ACAD11: variants seen among roughly 807,000 people sequenced by gnomAD.
ACAD11 encodes the protein acyl-Coenzyme A dehydrogenase family, member 11.
ACAD11 carries 83 observed loss-of-function variants against 102.2 expected under a neutral mutation model. The ratio of observed to expected loss-of-function variants is 0.81; its 90% CI spans 0.68 to 0.97. ACAD11 has a LOEUF of 0.97. Ranked by LOEUF, ACAD11 falls within the 50% of genes least tolerant of loss-of-function variation. The probability of loss-of-function intolerance (pLI) is 0.00; values close to 1 mark genes in which losing one functional copy is unlikely to be tolerated. For missense variants in ACAD11, 901 were observed against 951.7 expected (o/e 0.95, Z 0.70); for synonymous variants, 324 against 319.8 (o/e 1.01, Z -0.14).
chr3:132,615,260 A>G (rs1437667899), intron 11 of ACAD11, among the ~76,000 whole-genome samples: 1 of 152,244 alleles, frequency 6.6e-6, no homozygotes, highest in African/African-American at 2.4e-5. Context: ...TGTGGAAGAC[A>G]GTATGGTGAT....
chr3:132,605,314 C>A, intron 11 of ACAD11, 109 bp from the exon 12 acceptor site: 1 of 595,286 alleles, frequency 1.7e-6, no homozygotes, highest in Admixed American at 3.2e-5. Flanking sequence ...CAAATGTTTG[C>A]TAACAAAAAT....
At chr3:132,585,023 G>T (rs1937743756) in intron 13 of ACAD11, among the ~76,000 whole-genome samples, 1 of 152,114 alleles carries the variant, frequency 6.6e-6, no homozygotes, top group African/African-American at 2.4e-5. Context: ...CCAAAACAGA[G>T]CCTGCATTGC....
chr3:132,559,635 A>G (rs1384847576), intron 19 of ACAD11, among the ~76,000 whole-genome samples, 198 bp downstream of exon 19: 1 of 152,122 alleles, frequency 6.6e-6, no homozygotes, highest in African/African-American at 2.4e-5. Flanking sequence ...TGTAAAAATT[A>G]ACATAATGGA....
intron 17 of ACAD11, among the ~76,000 whole-genome samples, chr3:132,565,174 C>T (rs189789427): frequency 3.5e-4 from 53 of 152,290 alleles, no homozygotes; most frequent in African/African-American, 1.2e-3. Flanking sequence ...GGATGGGGAG[C>T]GTAGGCTTCC....
At chr3:132,575,542 G>A (rs1169192309) in intron 17 of ACAD11, among the ~76,000 whole-genome samples, 1 of 152,122 alleles carries the variant, frequency 6.6e-6, no homozygotes, top group Non-Finnish European at 1.5e-5. Flanking sequence ...TGAAGGAACT[G>A]TCTACACTCT....
chr3:132,574,621 T>C (rs1196358179), intron 17 of ACAD11, among the ~76,000 whole-genome samples: 1 of 152,160 alleles, frequency 6.6e-6, no homozygotes, highest in Non-Finnish European at 1.5e-5. Context: ...TACTAAAATA[T>C]ACATGTGCAG....
intron 13 of ACAD11, among the ~76,000 whole-genome samples, chr3:132,581,901 A>T (rs1353820916): frequency 6.6e-6 from 1 of 152,038 alleles, no homozygotes; most frequent in Non-Finnish European, 1.5e-5. Flanking sequence ...TGGTTTTCAA[A>T]GTTTACAGTT....
Position 132,618,645 on chromosome 3 carries a change from C to T in ACAD11, c.1403G>A (p.Cys468Tyr). 6.3e-7 allele frequency: 1 copy of T among 1,593,440 alleles called. No homozygotes were observed. Among genetic ancestry groups the T allele is most frequent in the Non-Finnish European group, 8.5e-7 (1 of 1,171,650 alleles). ...KCFFAPDVFN[C>Y]QAPDTGNMEV... ...ATTAATGTAGTAACCTGGTGCTTGGCAGTTAAAGACATCTGGAGCAAAAAA... is the reference window on the plus strand; with the variant it reads ...ATTAATGTAGTAACCTGGTGCTTGGTAGTTAAAGACATCTGGAGCAAAAAA... Residue 468 changes from cysteine to tyrosine, a missense_variant, in exon 11 of 20, where the codon TGC (cysteine) becomes TAC (tyrosine). Transcript: ENST00000264990.
At chr3:132,629,760 T>C in intron 7 of ACAD11, among the ~76,000 whole-genome samples, 1 of 152,080 alleles carries the variant, frequency 6.6e-6, no homozygotes, top group East Asian at 1.9e-4. Flanking sequence ...TATTTACCTG[T>C]TTTTCTTCTA....
intron 13 of ACAD11, among the ~76,000 whole-genome samples, chr3:132,598,641 T>C (rs1433391851): frequency 2.6e-5 from 4 of 152,154 alleles, no homozygotes; most frequent in Non-Finnish European, 5.9e-5. Context: ...TGAGTAGGAA[T>C]TGGCCCTTCC....
chr3:132,607,049 G>A (rs1295993754), intron 11 of ACAD11, among the ~76,000 whole-genome samples: 1 of 152,170 alleles, frequency 6.6e-6, no homozygotes, highest in African/African-American at 2.4e-5. Context: ...GCCGGACTCA[G>A]AAGGAAAACT....
Position 132,561,362 on chromosome 3 carries a change from A to G in ACAD11, c.2002-145T>C, listed in dbSNP as rs1937052238. 12 of 692,232 alleles carry G rather than the reference A, an allele frequency of 1.7e-5. No individual in the cohort carries two copies. In the East Asian group the frequency reaches 3.4e-4, roughly 20 times the overall value. 42.9% of individuals were successfully genotyped at this position (692,232 alleles called of 1,614,324 possible). A position where few individuals can be genotyped will look rare whatever the true frequency, so the allele number is the denominator to read the frequency against. On this transcript the variant is annotated intron_variant, in intron 17 of 19. Coordinates refer to ENST00000264990, the MANE Select transcript of ACAD11 (RefSeq NM_032169.5). ...TTTACTCTATGTATTTTTAAATGGA[A>G]GAGTTAATTCATTTGATATACACCA...
chr3:132,639,668 T>C lies in ACAD11; in HGVS notation c.538-12A>G, dbSNP rs764048090. 6 of 1,596,192 alleles carry C rather than the reference T, an allele frequency of 3.8e-6. No homozygotes were observed. Among genetic ancestry groups the C allele is most frequent in the South Asian group, 1.2e-5 (1 of 86,622 alleles). ...GTCCAGGTTGATACCTAAAGACATA[T>C]AAATAAGAAAAATGGTAAAGCTGAA... On this transcript the variant is annotated splice_polypyrimidine_tract_variant and intron_variant, in intron 4 of 19. Transcript: ENST00000264990.
At chr3:132,581,984 T>C (rs1937605530) in intron 13 of ACAD11, among the ~76,000 whole-genome samples, 4 of 152,004 alleles carry the variant, frequency 2.6e-5, no homozygotes, top group Admixed American at 2.6e-4. Flanking sequence ...TGTGAAAGTA[T>C]AAGCTGTAGC....
At chr3:132,613,335 C>A (rs1213505730) in intron 11 of ACAD11, among the ~76,000 whole-genome samples, 1 of 151,626 alleles carries the variant, frequency 6.6e-6, no homozygotes, top group African/African-American at 2.4e-5. Context: ...ATGTAATAAA[C>A]CTGCACGTTG....
intron 1 of ACAD11, among the ~76,000 whole-genome samples, chr3:132,659,034 G>C (rs1213762716): frequency 1.3e-5 from 2 of 152,098 alleles, no homozygotes; most frequent in African/African-American, 4.8e-5. Flanking sequence ...ATTATCTATT[G>C]TAAAACATCA....
chr3:132,646,601 G>A (rs1373161914), intron 1 of ACAD11: 1 of 152,158 alleles, frequency 6.6e-6, no homozygotes, highest in Non-Finnish European at 1.5e-5. Context: ...ATATATCCAA[G>A]AGAACTGAAC....
intron 13 of ACAD11, among the ~76,000 whole-genome samples, chr3:132,584,435 T>G (rs995224345): frequency 1.2e-4 from 18 of 152,216 alleles, no homozygotes; most frequent in African/African-American, 4.3e-4. Context: ...CAGCCCTTTA[T>G]TTTGAGCCTA....
At chr3:132,628,549 G>A (rs977810098) in intron 7 of ACAD11, 103 bp from the exon 8 acceptor site, 76 of 751,232 alleles carry the variant, frequency 1.0e-4, no homozygotes, top group Admixed American at 9.3e-4. Flanking sequence ...ATACTCACAG[G>A]GTATGAAGAC....
Sources: allele counts gnomAD v4.1 joint callset (sites outside exome capture counted in the v4.1 genomes callset), GRCh38; gene constraint gnomAD v4.1.1; transcripts MANE v1.5; gene names NCBI Gene and HGNC (gene_info 2026-07-23, HGNC 2026-07-21).